Variants in ZNF544 observed in about 807,000 individuals in gnomAD.
ZNF544 encodes zinc finger protein 544.
In ZNF544, 10 loss-of-function variants were observed where a neutral mutation model predicts 13.5. That is an observed-to-expected ratio of 0.74 (90% CI 0.46 to 1.25). The LOEUF (loss-of-function observed/expected upper bound fraction) is 1.25. Among genes scored for constraint, ZNF544 ranks in the 50% most tolerant of loss-of-function variants. The pLI is 0.00. For synonymous variants in ZNF544, 323 were observed against 300.5 expected, an observed-to-expected ratio of 1.07 and a Z score of -0.77; for missense variants, 896 against 845.6, an observed-to-expected ratio of 1.06 and a Z score of -0.74.
At chr19:58,246,980 T>C (rs2045364052) in intron 6 of ZNF544, among the ~76,000 whole-genome samples, 186 bp downstream of exon 6, 1 of 152,224 alleles carries the variant, frequency 6.6e-6, no homozygotes, top group Non-Finnish European at 1.5e-5. Context: ...GCTTCCAGTG[T>C]CTTCCCTGAG....
chr19:58,232,902 G>A (rs866411391), intron 3 of ZNF544, among the ~76,000 whole-genome samples: 22 of 142,560 alleles, frequency 1.5e-4, no homozygotes, highest in African/African-American at 5.7e-4. Flanking sequence ...AGCCGAGATC[G>A]TGCCACTGCA....
intron 5 of ZNF544, among the ~76,000 whole-genome samples, chr19:58,269,601 ACT>A (rs1216830898): frequency 3.3e-5 from 4 of 122,322 alleles, no homozygotes; most frequent in Middle Eastern, 5.2e-3. Flanking sequence ...ACAAAGCGAG[ACT>A]CTGTCTCAAA....
At chr19:58,256,793 G>A (rs1160251502) in intron 6 of ZNF544, among the ~76,000 whole-genome samples, 1 of 152,164 alleles carries the variant, frequency 6.6e-6, no homozygotes, top group East Asian at 1.9e-4. Flanking sequence ...GGAGCCCTTA[G>A]TGTCTTGTAA....
intron 3 of ZNF544, among the ~76,000 whole-genome samples, chr19:58,231,154 G>T (rs1193705893): frequency 1.3e-5 from 2 of 152,134 alleles, no homozygotes; most frequent in Non-Finnish European, 2.9e-5. Flanking sequence ...GAGGCCAAGA[G>T]GTGGGCCTCA....
At chr19:58,253,117 C>G (rs1324763942) in intron 6 of ZNF544, among the ~76,000 whole-genome samples, 1 of 152,210 alleles carries the variant, frequency 6.6e-6, no homozygotes, top group African/African-American at 2.4e-5. Context: ...CGCACCCAAC[C>G]CATAATCCTT....
chr19:58,261,404 G>C lies in ZNF544; in HGVS notation c.798G>C (p.Val266=). 1 of 1,614,180 alleles carries C rather than the reference G, an allele frequency of 6.2e-7. No homozygotes were observed. Among genetic ancestry groups the C allele is most frequent in the Non-Finnish European group, 8.5e-7 (1 of 1,180,040 alleles). The change falls in exon 7 of 7, where the codon GTG becomes GTC. Residue 266 remains valine, a synonymous_variant. Transcript: ENST00000687789. ...GTTTTCATGGTAGAACTTTTTCAGT[G>C]AAGAAAAGTGATGACTGTAAGGATT... is the stretch of plus-strand genomic sequence containing the variant. ...SLCFHGRTFS[V]KKSDDCKDYG... is the part of the protein sequence containing the mutation.
chr19:58,245,902 A>G, intron 4 of ZNF544: 1 of 321,904 alleles, frequency 3.1e-6, no homozygotes, highest in Non-Finnish European at 6.1e-6. Flanking sequence ...GGTACAGACC[A>G]CATACATGGA....
At chr19:58,251,878 GTAAA>G (rs1220591948) in intron 6 of ZNF544, among the ~76,000 whole-genome samples, 2 of 152,156 alleles carry the variant, frequency 1.3e-5, no homozygotes, top group African/African-American at 4.8e-5. Context: ...CATGCTGAAT[GTAAA>G]TAATAGTTGA....
intron 4 of ZNF544, among the ~76,000 whole-genome samples, chr19:58,244,979 C>T (rs530877319): frequency 6.6e-6 from 1 of 151,738 alleles, no homozygotes; most frequent in East Asian, 1.9e-4. Flanking sequence ...AACGGAGTCT[C>T]GCTCTGTTGC....
chr19:58,244,040 T>C lies in ZNF544; in HGVS notation c.17T>C (p.Met6Thr), dbSNP rs138031572. The C allele has an allele frequency of 1.3e-4, 203 of 1,608,288 alleles. 1 individual carries two copies. The highest frequency in any genetic ancestry group is 5.1e-5 in the Admixed American group (3 of 59,088). The change falls in exon 4 of 7, where the codon ATG becomes ACG. Residue 6 changes from methionine (M) to threonine (T), a missense_variant. Coordinates refer to ENST00000687789, the MANE Select transcript of ZNF544 (RefSeq NM_014480.4). MEARS[M>T]LVPPQASVCF... The stretch of plus-strand genomic sequence containing the variant: ...AGGGAGGAAATGGAAGCACGTTCTA[T>C]GCTGGTTCCACCCCAGGTGAGTGGG...
chr19:58,266,430 G>T (rs1353895168), downstream of ZNF544, among the ~76,000 whole-genome samples: 1 of 148,348 alleles, frequency 6.7e-6, no homozygotes, highest in African/African-American at 2.5e-5. Context: ...CAGGAGAATG[G>T]CATGAACCCA....
chr19:58,247,935 G>C (rs764048431), intron 6 of ZNF544, among the ~76,000 whole-genome samples: 1 of 149,298 alleles, frequency 6.7e-6, no homozygotes, highest in Non-Finnish European at 1.5e-5. Flanking sequence ...TTTTTTCCCA[G>C]ACAGAGTCTC....
intron 5 of ZNF544, among the ~76,000 whole-genome samples, chr19:58,272,083 C>T (rs2050700511): frequency 6.6e-6 from 1 of 151,194 alleles, no homozygotes; most frequent in South Asian, 2.1e-4. Context: ...ATCGCTGGAA[C>T]CCGGGAGTTG....
Position 58,230,439 on chromosome 19 carries a change from C to T in ZNF544, c.-83C>T, listed in dbSNP as rs898373740. The T allele has an allele frequency of 1.3e-5, 2 of 152,144 alleles. No homozygotes were observed. Among genetic ancestry groups the T allele is most frequent in the African/African-American group, 2.4e-5 (1 of 41,402 alleles). 9.4% of individuals were successfully genotyped at this position (152,144 alleles called of 1,614,324 possible). ...TGAGGCCTGGAGAGGTTAAAGAGAC[C>T]CGTTCAGAGTCCTACAGTGGCAGGT... On this transcript the variant is annotated 5_prime_UTR_variant, in exon 3 of 7. Coordinates refer to ENST00000687789, the MANE Select transcript of ZNF544 (RefSeq NM_014480.4).
chr19:58,244,668 T>A (rs1177233048), intron 4 of ZNF544, among the ~76,000 whole-genome samples: 1 of 149,308 alleles, frequency 6.7e-6, no homozygotes, highest in Admixed American at 6.7e-5. Context: ...CTTGAACTCC[T>A]GGGCTCAAGC....
intron 6 of ZNF544, chr19:58,259,932 TAAAATA>T (rs2048527666): frequency 6.6e-6 from 1 of 151,732 alleles, no homozygotes; most frequent in African/African-American, 2.4e-5. Flanking sequence ...CAAAACAAAA[TAAAATA>T]AAAATACTAA....
intron 5 of ZNF544, among the ~76,000 whole-genome samples, chr19:58,270,716 C>G (rs1395009715): frequency 6.6e-6 from 1 of 152,190 alleles, no homozygotes; most frequent in Non-Finnish European, 1.5e-5. Flanking sequence ...TCAGCCCCAC[C>G]TGCAGATGTG....
intron 3 of ZNF544, among the ~76,000 whole-genome samples, chr19:58,231,046 C>T (rs1328147762): frequency 6.6e-6 from 1 of 152,058 alleles, no homozygotes; most frequent in Non-Finnish European, 1.5e-5. Context: ...TACTGGTGTT[C>T]CTGAACTCCT....
Position 58,246,814 on chromosome 19 carries a change from T to C in ZNF544, c.244+20T>C, listed in dbSNP as rs2045325272. Reference sequence around the variant, plus strand: ...CCCGAGGTAAGAGCAGACCTTGTGGTGAGCAGCTCAACGTTTAACAAGCTT... The same window carrying C: ...CCCGAGGTAAGAGCAGACCTTGTGGCGAGCAGCTCAACGTTTAACAAGCTT... On this transcript the variant is annotated intron_variant, in intron 6 of 6. Coordinates refer to ENST00000687789, the MANE Select transcript of ZNF544 (RefSeq NM_014480.4). The C allele has an allele frequency of 6.2e-7, 1 of 1,610,226 alleles. No homozygotes were observed. The highest frequency in any genetic ancestry group is 8.5e-7 in the Non-Finnish European group (1 of 1,177,274).
Sources: gnomAD v4.1 joint callset for allele counts (sites outside exome capture counted in the v4.1 genomes callset) on GRCh38, gnomAD v4.1.1 for gene constraint, MANE v1.5 for transcripts, NCBI Gene and HGNC (gene_info 2026-07-23, HGNC 2026-07-21) for gene names.